Variants in MEF2D observed in about 807,000 individuals in gnomAD.
The protein encoded by MEF2D is myocyte enhancer factor 2D.
MEF2D carries 10 observed loss-of-function variants against 59.3 expected under a neutral mutation model. The observed-to-expected ratio is 0.17, with a 90% CI of 0.10 to 0.29. MEF2D has a LOEUF of 0.29. Ranked by LOEUF, MEF2D falls within the 10% of genes least tolerant of loss-of-function variation. The pLI is 1.00. For synonymous variants in MEF2D, 305 were observed against 295.0 expected (o/e 1.03, Z -0.35); for missense variants, 508 against 699.4 (o/e 0.73, Z 3.09).
intron 1 of MEF2D, among the ~76,000 whole-genome samples, chr1:156,497,449 C>T (rs1304034114): frequency 6.6e-6 from 1 of 152,224 alleles, no homozygotes; most frequent in Non-Finnish European, 1.5e-5. Flanking sequence ...CACCACAGTG[C>T]CATGAGACTC....
chr1:156,473,073 A>AGTG (rs1671338670), intron 9 of MEF2D, among the ~76,000 whole-genome samples: 1 of 150,614 alleles, frequency 6.6e-6, no homozygotes, highest in South Asian at 2.1e-4. Flanking sequence ...GCTGAAGTGC[A>AGTG]GTGGTGCAAT....
At chr1:156,479,821 G>T (rs528242921) in intron 4 of MEF2D, 25 bp from the exon 5 acceptor site, 12 of 1,549,704 alleles carry the variant, frequency 7.7e-6, no homozygotes, top group Admixed American at 5.9e-5. Context: ...GGAGGGGCAG[G>T]ATCAGGCCAG....
intron 1 of MEF2D, among the ~76,000 whole-genome samples, chr1:156,493,631 T>C (rs1195827985): frequency 1.3e-5 from 2 of 152,180 alleles, no homozygotes; most frequent in African/African-American, 2.4e-5. Context: ...GCCAAATCCG[T>C]GCTCCTTACC....
intron 9 of MEF2D, among the ~76,000 whole-genome samples, chr1:156,471,719 G>A (rs945894475): frequency 5.3e-5 from 8 of 152,242 alleles, no homozygotes; most frequent in East Asian, 3.8e-4. Flanking sequence ...ACCATAGCCC[G>A]ATTACCCCCA....
chr1:156,497,608 CA>C (rs1362545497), intron 1 of MEF2D, among the ~76,000 whole-genome samples: 5 of 152,200 alleles, frequency 3.3e-5, no homozygotes, highest in African/African-American at 1.2e-4. Flanking sequence ...CCAGTAAGGC[CA>C]CCACTCTCTC....
rs570981092 is a variant in MEF2D, at chr1:156,468,030, T to G, written c.1517A>C (p.Glu506Ala). ...CCGCATCCTCTTCACAGCTGAGCCC[T>G]CAGCCTCAGGCTCTGGGGCTGGGCG... The part of the protein sequence containing the change: ...LLRPAPEPEA[E>A]GSAVKRMRLD... The change falls in exon 11 of 12, where the codon GAG (glutamate) becomes GCG (alanine). Residue 506 changes from glutamate to alanine, a missense_variant. Transcript: ENST00000348159. The surrounding 1 kb of genome is among the most constrained non-coding windows in gnomAD (Gnocchi z 4.3). 35 of 1,613,786 alleles carry G rather than the reference T, an allele frequency of 2.2e-5. No individual in the cohort carries two copies. The South Asian group carries it at 3.7e-4, about 17-fold the overall frequency.
At chr1:156,469,326 T>C (rs1671075347) in intron 9 of MEF2D, among the ~76,000 whole-genome samples, 1 of 152,134 alleles carries the variant, frequency 6.6e-6, no homozygotes. Context: ...GGTGTGATCT[T>C]GGCTCACTAC....
At chr1:156,494,140 C>T (rs766801713) in intron 1 of MEF2D, among the ~76,000 whole-genome samples, 9 of 152,170 alleles carry the variant, frequency 5.9e-5, no homozygotes, top group African/African-American at 9.7e-5. Context: ...GCACAATACA[C>T]ACATGCTTTA....
At chr1:156,469,808 C>T (rs1327622880) in intron 9 of MEF2D, among the ~76,000 whole-genome samples, 2 of 151,970 alleles carry the variant, frequency 1.3e-5, no homozygotes, top group African/African-American at 2.4e-5. Context: ...CTTGCTTGAA[C>T]CTGGGAGGTT....
intron 9 of MEF2D, 132 bp downstream of exon 9, chr1:156,474,976 T>G (rs1671470010): frequency 7.9e-7 from 1 of 1,272,384 alleles, no homozygotes; most frequent in Admixed American, 2.4e-5. Flanking sequence ...TAACCATAAG[T>G]AGGTGGGGGT....
intron 1 of MEF2D, among the ~76,000 whole-genome samples, chr1:156,488,145 G>C (rs1460412037): frequency 2.0e-5 from 3 of 152,270 alleles, no homozygotes; most frequent in Admixed American, 1.3e-4. Flanking sequence ...GACAGGACAA[G>C]GGTGGGGCGG....
At chr1:156,470,418 C>CA (rs559803073) in intron 9 of MEF2D, among the ~76,000 whole-genome samples, 112 of 111,022 alleles carry the variant, frequency 1.0e-3, no homozygotes, top group Admixed American at 1.4e-3. Context: ...GACTCTGTTT[C>CA]AAAAAAAAAA....
chr1:156,492,529 T>C (rs761871484), intron 1 of MEF2D, among the ~76,000 whole-genome samples: 21 of 152,180 alleles, frequency 1.4e-4, no homozygotes, highest in Non-Finnish European at 3.1e-4. Flanking sequence ...ACCTCTCCCA[T>C]ATCTTCTGAA....
At position 156,490,014 on chromosome 1, in the gene MEF2D, G is replaced by A. The variant is rs377591150; in HGVS notation, c.-138-6584C>T. 2.6e-4 allele frequency among the ~76,000 whole-genome samples: 39 copies of A among 152,146 alleles called. 1 individual carries two copies. The highest frequency in any genetic ancestry group is 1.9e-3 in the Admixed American group (29 of 15,280). ...GGAGACAGGGCAGGAAGGTGAAGCC[G>A]GTGATGCCCCCAAACACCCAGGCAA... On this transcript the variant is annotated intron_variant, in intron 1 of 11. Coordinates refer to ENST00000348159, the MANE Select transcript of MEF2D (RefSeq NM_005920.4).
intron 1 of MEF2D, among the ~76,000 whole-genome samples, chr1:156,492,788 T>C (rs544741851): frequency 6.6e-6 from 1 of 151,876 alleles, no homozygotes; most frequent in African/African-American, 2.4e-5. Flanking sequence ...GAGACAGAAG[T>C]GAAAGTGGCA....
chr1:156,500,218 TC>T (rs1186111639), intron 1 of MEF2D, among the ~76,000 whole-genome samples: 1 of 151,076 alleles, frequency 6.6e-6, no homozygotes, highest in Non-Finnish European at 1.5e-5. Context: ...AATCCGCCCG[TC>T]CCCACCCCGT....
rs749520276 is a variant in MEF2D, at chr1:156,480,874, C to T, written c.356G>A (p.Arg119His). The change falls in exon 4 of 12, where the codon CGC (arginine) becomes CAC (histidine). Residue 119 changes from arginine to histidine, a missense_variant. Arg to His is a conservative substitution (Grantham distance 29, BLOSUM62 0). Around this residue, in one of 2 missense-constraint regions of MEF2D, gnomAD observed 481 missense variants for 584.7 expected, o/e 0.82. Coordinates refer to ENST00000348159, the MANE Select transcript of MEF2D (RefSeq NM_005920.4). Reference sequence around the variant, plus strand: ...GAGCCCGTCGAGCTCCTCGCTGGCGCGTCGGTACTTGTCCTCCAGCAGGGG... The same window carrying T: ...GAGCCCGTCGAGCTCCTCGCTGGCGTGTCGGTACTTGTCCTCCAGCAGGGG... ...QSPLLEDKYR[R>H]ASEELDGLFR... is the part of the protein sequence containing the mutation. 1.4e-5 allele frequency: 22 copies of T among 1,605,722 alleles called. No homozygotes were observed. The highest frequency in any genetic ancestry group is 1.7e-5 in the Admixed American group (1 of 59,066).
chr1:156,476,034 C>G (rs1671551452), intron 8 of MEF2D, among the ~76,000 whole-genome samples: 1 of 152,092 alleles, frequency 6.6e-6, no homozygotes, highest in South Asian at 2.1e-4. Flanking sequence ...CCCTGAAACA[C>G]CAGCTTCTCC....
intron 9 of MEF2D, among the ~76,000 whole-genome samples, chr1:156,472,451 G>C (rs1671289170): frequency 6.6e-6 from 1 of 152,260 alleles, no homozygotes; most frequent in Non-Finnish European, 1.5e-5. Context: ...AGACACACAA[G>C]CCAGAGTCTG....
Sources: allele counts gnomAD v4.1 joint callset (sites outside exome capture counted in the v4.1 genomes callset), GRCh38; gene constraint gnomAD v4.1.1; regional missense constraint gnomAD v4.1.1; non-coding constraint Gnocchi (gnomAD v3.1); transcripts MANE v1.5; gene names NCBI Gene and HGNC (gene_info 2026-07-23, HGNC 2026-07-21).